Variants in EXT2 observed in about 807,000 individuals in gnomAD.
The protein encoded by EXT2 is exostosin-2.
EXT2 carries 53 observed loss-of-function variants against 81.6 expected under a neutral mutation model. That is an observed-to-expected ratio of 0.65 (90% CI 0.52 to 0.82). The LOEUF (loss-of-function observed/expected upper bound fraction) is 0.82, where lower values mean the gene tolerates loss of function less well. EXT2 is among the 40% of genes least tolerant of loss of function. The probability of loss-of-function intolerance (pLI) is 0.00; values close to 1 mark genes in which losing one functional copy is unlikely to be tolerated. For synonymous variants in EXT2, 320 were observed against 340.0 expected, an observed-to-expected ratio of 0.94 and a Z score of 0.65; for missense variants, 774 against 910.2, an observed-to-expected ratio of 0.85 and a Z score of 1.93.
At chr11:44,163,677 A>AAAT (rs1179610862) in intron 7 of EXT2, among the ~76,000 whole-genome samples, 6 of 152,228 alleles carry the variant, frequency 3.9e-5, no homozygotes, top group African/African-American at 1.4e-4. Flanking sequence ...CACCTGAAAT[A>AAAT]AATGGTTCTG....
chr11:44,120,150 A>G (rs1954295625), intron 4 of EXT2, among the ~76,000 whole-genome samples: 1 of 152,258 alleles, frequency 6.6e-6, no homozygotes, highest in Admixed American at 6.5e-5. Context: ...ATACATCAAT[A>G]TATAATTAGT....
rs4755788 is a variant in EXT2 at position 44,171,341 on chromosome 11, C to A, written c.1174-270C>A. On this transcript the variant is annotated intron_variant, in intron 7 of 13. Transcript: ENST00000533608. ...CTATAAACTCTGCCATAACACATGG[C>A]TATTCTCATCATCACATAATTTATC... Among the ~76,000 whole-genome samples the A allele has an allele frequency of 0.91, 137,965 of 152,318 alleles. 62,626 individuals are homozygous for A. The highest frequency in any genetic ancestry group is 0.99 in the East Asian group (5,124 of 5,186).
intron 10 of EXT2, among the ~76,000 whole-genome samples, chr11:44,216,794 G>T (rs562749218): frequency 6.6e-6 from 1 of 151,922 alleles, no homozygotes; most frequent in Admixed American, 6.6e-5. Context: ...CTTGGGCCTA[G>T]TGTAAGAGGG....
intron 8 of EXT2, among the ~76,000 whole-genome samples, chr11:44,193,969 C>G (rs1352688140): frequency 6.6e-6 from 1 of 152,212 alleles, no homozygotes; most frequent in Non-Finnish European, 1.5e-5. Context: ...TGGGATGAGA[C>G]CCGATCTGTT....
chr11:44,157,206 C>G (rs915060513), intron 7 of EXT2, among the ~76,000 whole-genome samples: 11 of 152,306 alleles, frequency 7.2e-5, no homozygotes, highest in Admixed American at 7.2e-4. Flanking sequence ...CTGGATCTTT[C>G]CCAGGGCCTG....
intron 7 of EXT2, among the ~76,000 whole-genome samples, chr11:44,132,899 T>C (rs1954514637): frequency 6.6e-6 from 1 of 152,222 alleles, no homozygotes; most frequent in Admixed American, 6.5e-5. Context: ...CCTCTTTTCT[T>C]TTCCTAACCC....
intron 10 of EXT2, among the ~76,000 whole-genome samples, chr11:44,211,574 G>C (rs1301080689): frequency 6.6e-6 from 1 of 152,196 alleles, no homozygotes; most frequent in East Asian, 1.9e-4. Flanking sequence ...CTAAAAGTCT[G>C]ATCTCATAGA....
chr11:44,166,684 C>T (rs1954998715), intron 7 of EXT2, among the ~76,000 whole-genome samples: 1 of 152,158 alleles, frequency 6.6e-6, no homozygotes, highest in South Asian at 2.1e-4. Context: ...TTTCCTTCAC[C>T]CTTTTGGGTT....
chr11:44,135,373 T>A (rs1416268678), intron 7 of EXT2, among the ~76,000 whole-genome samples: 1 of 149,456 alleles, frequency 6.7e-6, no homozygotes, highest in Non-Finnish European at 1.5e-5. Flanking sequence ...CTGGTATGAA[T>A]AAAGAGGATG....
chr11:44,125,304 A>G (rs1396641507), intron 5 of EXT2, among the ~76,000 whole-genome samples: 1 of 152,194 alleles, frequency 6.6e-6, no homozygotes, highest in Non-Finnish European at 1.5e-5. Context: ...TTTTACCCCC[A>G]TATTCATAAG....
intron 8 of EXT2, among the ~76,000 whole-genome samples, chr11:44,188,384 A>G (rs1315694549): frequency 1.3e-5 from 2 of 152,212 alleles, no homozygotes; most frequent in East Asian, 3.8e-4. Flanking sequence ...TCTTCAGTGA[A>G]AGAGTAAAGA....
In EXT2 at chr11:44,105,371, C is replaced by T. The variant is rs533339528; in HGVS notation, c.-30-2312C>T. Among the ~76,000 whole-genome samples the T allele has an allele frequency of 2.3e-4, 35 of 152,270 alleles. No homozygotes were observed. The South Asian group carries it at 6.0e-3, about 26-fold the overall frequency. On this transcript the variant is annotated intron_variant, in intron 1 of 13. Transcript: ENST00000533608. ...GCAGTGGCACAATCTTGGTTCACTG[C>T]ACCTCCGCCTCCCAGGTTTAAGTGA...
At chr11:44,190,296 T>C (rs1038142273) in intron 8 of EXT2, among the ~76,000 whole-genome samples, 50 of 152,186 alleles carry the variant, frequency 3.3e-4, no homozygotes, top group Non-Finnish European at 6.8e-4. Context: ...ATCAAAGCTT[T>C]TTTTCCCCTT....
intron 4 of EXT2, among the ~76,000 whole-genome samples, chr11:44,119,070 G>C (rs1474655197): frequency 1.4e-5 from 2 of 142,560 alleles, no homozygotes; most frequent in Non-Finnish European, 3.0e-5. Flanking sequence ...CTAGACTGCT[G>C]TCTCTCATCA....
intron 6 of EXT2, 32 bp from the exon 7 acceptor site, chr11:44,130,013 G>A (rs1188812817): frequency 6.6e-7 from 1 of 1,523,246 alleles, no homozygotes; most frequent in Non-Finnish European, 9.1e-7. Flanking sequence ...GAAGGGCTGT[G>A]TGTATGTAAA....
chr11:44,096,218 C>T, intron 1 of EXT2: 2 of 1,533,838 alleles, frequency 1.3e-6, no homozygotes, highest in Admixed American at 2.0e-5. Flanking sequence ...TGCCACCTTC[C>T]CGCCAGCCAC....
chr11:44,163,464 A>C (rs1954953647), intron 7 of EXT2, among the ~76,000 whole-genome samples: 1 of 152,236 alleles, frequency 6.6e-6, no homozygotes, highest in Non-Finnish European at 1.5e-5. Flanking sequence ...TGAGCACCAA[A>C]GAGCCTGTTG....
chr11:44,129,942 G>A (rs1458946949), intron 6 of EXT2, 103 bp from the exon 7 acceptor site: 2 of 876,082 alleles, frequency 2.3e-6, no homozygotes, highest in African/African-American at 3.3e-5. Flanking sequence ...GCTGAAGGAG[G>A]TTTGGGATGT....
intron 4 of EXT2, among the ~76,000 whole-genome samples, chr11:44,114,532 T>C (rs1954194463): frequency 6.6e-6 from 1 of 152,174 alleles, no homozygotes; most frequent in Non-Finnish European, 1.5e-5. Flanking sequence ...CAGGAATCCA[T>C]GTGGTATCCT....
Sources: allele counts gnomAD v4.1 joint callset (sites outside exome capture counted in the v4.1 genomes callset), GRCh38; gene constraint gnomAD v4.1.1; transcripts MANE v1.5; gene names NCBI Gene and HGNC (gene_info 2026-07-23, HGNC 2026-07-21).